The following TTC39C variants were observed in gnomAD, a reference collection of about 807,000 sequenced individuals.
The protein encoded by TTC39C is tetratricopeptide repeat domain 39C, also known as tetratricopeptide repeat protein 39C.
TTC39C carries 33 observed loss-of-function variants against 76.3 expected under a neutral mutation model. The observed-to-expected ratio is 0.43, with a 90% CI of 0.33 to 0.58. TTC39C has a LOEUF of 0.58. Ranked by LOEUF, TTC39C falls within the 20% of genes least tolerant of loss-of-function variation. The pLI is 0.04. For missense variants in TTC39C, 595 were observed against 701.4 expected (o/e 0.85, Z 1.71); for synonymous variants, 254 against 260.6 (o/e 0.97, Z 0.24).
At chr18:24,023,999 TATATATATATATA>T (rs2083562436) in intron 1 of TTC39C, among the ~76,000 whole-genome samples, 2 of 11,100 alleles carry the variant, frequency 1.8e-4, no homozygotes, top group Non-Finnish European at 3.4e-4. Context: ...TATATATATA[TATATATATATATA>T]TATATTTTTT....
chr18:24,029,894 A>G (rs1282888423), intron 1 of TTC39C, among the ~76,000 whole-genome samples: 2 of 152,104 alleles, frequency 1.3e-5, no homozygotes, highest in Non-Finnish European at 2.9e-5. Context: ...TTCTTTATCC[A>G]TTCATTGATT....
chr18:24,014,040 T>A (rs1030842904), upstream of TTC39C, among the ~76,000 whole-genome samples: 1 of 152,116 alleles, frequency 6.6e-6, no homozygotes, highest in African/African-American at 2.4e-5. Context: ...CGGGCTGGAG[T>A]GGGTGGTACC....
At chr18:24,079,760 T>TC (rs1484452977) in intron 4 of TTC39C, among the ~76,000 whole-genome samples, 1 of 151,986 alleles carries the variant, frequency 6.6e-6, no homozygotes, top group African/African-American at 2.4e-5. Context: ...TTATTTTTTT[T>TC]TGGCAAGACG....
intron 10 of TTC39C, among the ~76,000 whole-genome samples, chr18:24,128,066 CT>C (rs34464822): frequency 0.48 from 73,361 of 152,056 alleles, 20,781 homozygotes; most frequent in Non-Finnish European, 0.65. Flanking sequence ...GCCCCTGTGC[CT>C]TTGCACTTGC....
At chr18:24,105,366 A>G (rs1377224343) in intron 6 of TTC39C, among the ~76,000 whole-genome samples, 2 of 152,240 alleles carry the variant, frequency 1.3e-5, no homozygotes, top group Non-Finnish European at 2.9e-5. Flanking sequence ...GTTGGTACAT[A>G]TGGATAGTTG....
At position 24,083,045 on chromosome 18, in the gene TTC39C, C is replaced by T. The variant is rs149872526; in HGVS notation, c.948C>T (p.Leu316=). 1.9e-6 allele frequency: 3 copies of T among 1,613,982 alleles called. No individual in the cohort carries two copies. In the African/African-American group the frequency reaches 4.0e-5, roughly 22 times the overall value. Residue 316 remains leucine, a synonymous_variant, in exon 6 of 14, where the codon CTC becomes CTT. Coordinates refer to ENST00000317571, the MANE Select transcript of TTC39C (RefSeq NM_001135993.2). Reference sequence around the variant, plus strand: ...AAGCTGCTTATCCAAATTCTTCCCTCTTTATGTTTTTCAAGGGACGGATAC... The same window carrying T: ...AAGCTGCTTATCCAAATTCTTCCCTTTTTATGTTTTTCAAGGGACGGATAC... ...KKEAAYPNSS[L]FMFFKGRIQR...
At chr18:24,043,905 A>G (rs904592375) in intron 1 of TTC39C, among the ~76,000 whole-genome samples, 3 of 152,246 alleles carry the variant, frequency 2.0e-5, no homozygotes, top group South Asian at 2.1e-4. Context: ...AATTCCTACC[A>G]GCTCAAACAT....
intron 6 of TTC39C, among the ~76,000 whole-genome samples, chr18:24,086,118 G>T (rs1158686335): frequency 2.6e-5 from 4 of 152,140 alleles, no homozygotes; most frequent in Non-Finnish European, 5.9e-5. Flanking sequence ...TGCTTACAAA[G>T]AATTTTTTTT....
intron 1 of TTC39C, chr18:24,019,832 A>G (rs1326486468): frequency 6.6e-7 from 1 of 1,519,082 alleles, no homozygotes; most frequent in Admixed American, 2.1e-5. Flanking sequence ...TGCAAAGCCT[A>G]AAATATCTAC....
chr18:24,044,051 T>TG (rs1279296009), intron 1 of TTC39C, among the ~76,000 whole-genome samples: 14 of 77,460 alleles, frequency 1.8e-4, no homozygotes, highest in African/African-American at 5.8e-4. Flanking sequence ...TTTGTGTATG[T>TG]TTGTGTGTGT....
chr18:24,031,951 T>TC (rs1316108325), intron 1 of TTC39C, among the ~76,000 whole-genome samples: 1 of 152,154 alleles, frequency 6.6e-6, no homozygotes, highest in Non-Finnish European at 1.5e-5. Flanking sequence ...ATCACATGTA[T>TC]CCTTATAAGA....
At position 23,993,773 on chromosome 18, in the gene TTC39C, GA is replaced by G. The variant is rs1346316866; in HGVS notation, c.-17+742del. 4.6e-5 allele frequency among the ~76,000 whole-genome samples: 7 copies of G among 151,960 alleles called. No individual in the cohort carries two copies. In the South Asian group the frequency reaches 1.0e-3, roughly 23 times the overall value. ...TACATATTATAAACTGAAAATCTAT[GA>G]AAAAAATTATATACTAATTTAATTG... On this transcript the variant is annotated intron_variant, in intron 1 of 13. Coordinates refer to the TTC39C transcript ENST00000304621.
chr18:24,012,314 C>T (rs956732262), upstream of TTC39C, among the ~76,000 whole-genome samples: 3 of 152,290 alleles, frequency 2.0e-5, no homozygotes, highest in Non-Finnish European at 2.9e-5. Context: ...CCTCTATCCA[C>T]GCCACCCCTC....
intron 13 of TTC39C, 106 bp from the exon 14 acceptor site, chr18:24,132,379 T>G: frequency 1.2e-6 from 1 of 819,286 alleles, no homozygotes; most frequent in South Asian, 2.0e-5. Flanking sequence ...ACTGGGAGTG[T>G]AGAGATTTTA....
chr18:24,040,870 G>A (rs1438675095), intron 1 of TTC39C, among the ~76,000 whole-genome samples: 1 of 151,900 alleles, frequency 6.6e-6, no homozygotes, highest in Non-Finnish European at 1.5e-5. Context: ...GTGAAGTGGT[G>A]GTACTGTATT....
intron 12 of TTC39C, 88 bp downstream of exon 12, chr18:24,130,505 T>G (rs1599355409): frequency 2.7e-6 from 1 of 368,634 alleles, no homozygotes; most frequent in East Asian, 6.0e-5. Flanking sequence ...CACCCTTCAT[T>G]TAAAACAAAC....
At chr18:24,010,362 A>G (rs1843840), upstream of TTC39C, among the ~76,000 whole-genome samples, 82,508 of 152,246 alleles carry the variant, frequency 0.54, 27,203 homozygotes, top group Non-Finnish European at 0.75. Flanking sequence ...GCATCCAGTT[A>G]GGCTACAGTT....
chr18:24,055,984 T>A (rs953472354), intron 1 of TTC39C, among the ~76,000 whole-genome samples: 1 of 152,222 alleles, frequency 6.6e-6, no homozygotes, highest in African/African-American at 2.4e-5. Flanking sequence ...TTAAAACCCA[T>A]TTTTGATGAT....
chr18:24,119,962 TTC>T (rs2084943737), intron 8 of TTC39C, among the ~76,000 whole-genome samples: 1 of 107,310 alleles, frequency 9.3e-6, no homozygotes, highest in African/African-American at 5.4e-5. Context: ...GGAACATTAA[TTC>T]CCCCCCCCCA....
Sources: gnomAD v4.1 joint callset for allele counts (sites outside exome capture counted in the v4.1 genomes callset) on GRCh38, gnomAD v4.1.1 for gene constraint, MANE v1.5 for transcripts, NCBI Gene and HGNC (gene_info 2026-07-23, HGNC 2026-07-21) for gene names.